The following TRA2B variants were observed in gnomAD, a reference collection of about 807,000 sequenced individuals.
TRA2B encodes the protein transformer 2 beta homolog, also known as transformer-2 protein homolog beta.
Under a neutral mutation model 41.7 loss-of-function variants are expected in TRA2B, and 14 were observed. The observed-to-expected ratio is 0.34, with a 90% CI of 0.22 to 0.53. The LOEUF is 0.53. Ranked by LOEUF, TRA2B falls within the 20% of genes least tolerant of loss-of-function variation. The pLI, the probability that TRA2B is intolerant of heterozygous loss-of-function variation, is 0.95. For missense variants in TRA2B, 167 were observed against 396.8 expected (o/e 0.42, Z 4.92); for synonymous variants, 130 against 128.8 (o/e 1.01, Z -0.06).
At chr3:185,918,021 G>A (rs1319172463) in intron 8 of TRA2B, among the ~76,000 whole-genome samples, 1 of 151,964 alleles carries the variant, frequency 6.6e-6, no homozygotes, top group African/African-American at 2.4e-5. Context: ...CTACTAAATG[G>A]TGGAAATACA....
chr3:185,920,185 A>C (rs999728191), intron 6 of TRA2B, among the ~76,000 whole-genome samples: 2 of 152,212 alleles, frequency 1.3e-5, no homozygotes, highest in Non-Finnish European at 2.9e-5. Context: ...CTTTAAAATT[A>C]TTCTCTGGAC....
intron 1 of TRA2B, chr3:185,927,211 T>G (rs1179596148): frequency 6.6e-6 from 1 of 152,322 alleles, no homozygotes; most frequent in Non-Finnish European, 1.5e-5. Context: ...AAGTTACTAC[T>G]TATAATTCAG....
intron 3 of TRA2B, chr3:185,924,413 G>C (rs1003263643): frequency 3.8e-5 from 6 of 157,794 alleles, no homozygotes; most frequent in African/African-American, 1.4e-4. Context: ...AGCATGTATG[G>C]TTCGATTTTT....
At position 185,914,663 on chromosome 3, in the gene TRA2B, TTTTGATG is replaced by T; in HGVS notation, c.*3045_*3051del. ...ACATTACTGTAGTAGCATTCTGGCT[TTTTGATG>T]ACATTTGGCATAAGCTAGCATTAAG... is the stretch of plus-strand genomic sequence containing the variant. On this transcript the variant is annotated 3_prime_UTR_variant, in exon 9 of 9. Coordinates refer to ENST00000453386, the MANE Select transcript of TRA2B (RefSeq NM_004593.3). Among the ~76,000 whole-genome samples, 2 of 152,298 alleles carry T rather than the reference TTTTGATG, an allele frequency of 1.3e-5. No individual in the cohort carries two copies. Among genetic ancestry groups the T allele is most frequent in the East Asian group, 3.9e-4 (2 of 5,182 alleles).
intron 6 of TRA2B, among the ~76,000 whole-genome samples, chr3:185,920,081 A>C (rs1414020000): frequency 1.3e-5 from 2 of 152,182 alleles, no homozygotes; most frequent in Non-Finnish European, 2.9e-5. Flanking sequence ...CTTTATTTTT[A>C]AACTATGATT....
At chr3:185,918,898 C>T (rs914932163) in intron 7 of TRA2B, among the ~76,000 whole-genome samples, 16 of 152,104 alleles carry the variant, frequency 1.1e-4, no homozygotes, top group African/African-American at 3.6e-4. Context: ...CCCAGCTACT[C>T]GGGATGCAGA....
chr3:185,932,837 G>T (rs978424533), intron 1 of TRA2B, among the ~76,000 whole-genome samples: 6 of 151,752 alleles, frequency 4.0e-5, no homozygotes, highest in Non-Finnish European at 8.8e-5. Context: ...TCCTCTCCTG[G>T]TTTTTCCTCC....
intron 1 of TRA2B, among the ~76,000 whole-genome samples, chr3:185,932,389 T>G (rs1249776984): frequency 6.6e-6 from 1 of 152,190 alleles, no homozygotes; most frequent in African/African-American, 2.4e-5. Context: ...AGAAAGACGG[T>G]GTCAGGGAAC....
intron 4 of TRA2B, 103 bp downstream of exon 4, chr3:185,923,693 A>G (rs1743829165): frequency 5.4e-6 from 6 of 1,103,464 alleles, no homozygotes; most frequent in Non-Finnish European, 7.5e-6. Context: ...AAAAGTTCGA[A>G]GTATTACTGA....
chr3:185,923,802 G>C lies in TRA2B; in HGVS notation c.516C>G (p.Ala172=), dbSNP rs1238621186. ...AFVYFENVDD[A]KEAKERANGM... ...GGAACGGGCTTTTACTTACTTCCTT[G>C]GCATCATCTACATTTTCAAAATATA... Residue 172 remains alanine (A), a synonymous_variant, in exon 4 of 9, where the codon GCC becomes GCG. Coordinates refer to ENST00000453386, the MANE Select transcript of TRA2B (RefSeq NM_004593.3). 1.2e-6 allele frequency: 2 copies of C among 1,608,152 alleles called. No homozygotes were observed. The highest frequency in any genetic ancestry group is 3.4e-5 in the Admixed American group (2 of 58,714).
intron 1 of TRA2B, among the ~76,000 whole-genome samples, chr3:185,934,250 G>A (rs534640937): frequency 6.6e-6 from 1 of 152,220 alleles, no homozygotes; most frequent in Admixed American, 6.5e-5. Flanking sequence ...AATATACACA[G>A]CTGTAGCTCT....
intron 1 of TRA2B, chr3:185,931,970 AAG>A (rs919837408): frequency 1.3e-5 from 9 of 692,322 alleles, no homozygotes; most frequent in African/African-American, 3.8e-5. Context: ...AAAAAAAAAA[AAG>A]AAACTAGAAT....
intron 1 of TRA2B, chr3:185,931,441 A>T: frequency 1.7e-6 from 1 of 573,192 alleles, no homozygotes; most frequent in Non-Finnish European, 2.2e-6. Context: ...CTAAGCAGTT[A>T]AAATCAGAAT....
chr3:185,925,371 A>G (rs1743907522), intron 3 of TRA2B, 93 bp downstream of exon 3: 1 of 1,443,900 alleles, frequency 6.9e-7, no homozygotes, highest in African/African-American at 1.4e-5. Flanking sequence ...CTCACGCACC[A>G]ACTGCTAAAG....
At chr3:185,924,174 T>C (rs1048530708) in intron 3 of TRA2B, 190 bp from the exon 4 acceptor site, 5 of 441,156 alleles carry the variant, frequency 1.1e-5, no homozygotes, top group Non-Finnish European at 1.9e-5. Context: ...TAGGAAAGAA[T>C]GCAAAAGAAA....
At chr3:185,921,620 C>T (rs1332191434) in intron 5 of TRA2B, among the ~76,000 whole-genome samples, 5 of 151,990 alleles carry the variant, frequency 3.3e-5, no homozygotes, top group Admixed American at 6.6e-5. Context: ...AAAAATTAGC[C>T]GGACGTTGCG....
chr3:185,935,533 A>T, intron 1 of TRA2B: 1 of 985,462 alleles, frequency 1.0e-6, no homozygotes, highest in Non-Finnish European at 1.2e-6. Context: ...GGTGGGGCAC[A>T]GAGGGGTGGG....
chr3:185,931,937 T>G, intron 1 of TRA2B: 2 of 940,954 alleles, frequency 2.1e-6, no homozygotes, highest in African/African-American at 3.7e-5. Flanking sequence ...AAAAAAAAAA[T>G]CCCTTTGTTG....
At position 185,936,711 on chromosome 3, in the gene TRA2B, C is replaced by CAAT. The variant is rs200753986; in HGVS notation, c.36+1113_36+1114insATT. 1.2e-3 allele frequency: 1,151 copies of CAAT among 984,220 alleles called. 10 individuals are homozygous for CAAT. The African/African-American group carries it at 0.018, about 16-fold the overall frequency. 61.0% of individuals were successfully genotyped at this position (984,220 alleles called of 1,614,324 possible). A position where few individuals can be genotyped will look rare whatever the true frequency, so the allele number is the denominator to read the frequency against. ...TTTAAAAAAGCACAAATTATTCCCA[C>CAAT]AGCCTCAAAAATCAATTTCTATGGT... On this transcript the variant is annotated intron_variant, in intron 1 of 8. Coordinates refer to ENST00000453386, the MANE Select transcript of TRA2B (RefSeq NM_004593.3).
Sources: allele counts gnomAD v4.1 joint callset (sites outside exome capture counted in the v4.1 genomes callset), GRCh38; gene constraint gnomAD v4.1.1; transcripts MANE v1.5; gene names NCBI Gene and HGNC (gene_info 2026-07-23, HGNC 2026-07-21).